Variants in MED16 observed in about 807,000 individuals in gnomAD.
MED16 encodes the protein mediator complex subunit 16, also known as mediator of RNA polymerase II transcription subunit 16.
A neutral mutation model predicts 84.4 loss-of-function variants in MED16; 81 were observed. The ratio of observed to expected loss-of-function variants is 0.96; its 90% CI spans 0.80 to 1.15. The LOEUF (loss-of-function observed/expected upper bound fraction) is 1.15. Among genes scored for constraint, MED16 ranks in the 50% most tolerant of loss-of-function variants. The pLI is 0.00. For missense variants in MED16, 1,585 were observed against 1,245.9 expected (o/e 1.27, Z -4.10); for synonymous variants, 897 against 552.2 (o/e 1.62, Z -8.76).
At chr19:869,393 G>A (rs1482938256) in intron 13 of MED16, among the ~76,000 whole-genome samples, 3 of 151,324 alleles carry the variant, frequency 2.0e-5, no homozygotes, top group East Asian at 1.9e-4. Flanking sequence ...CAAGATTCTG[G>A]TGGCAAAAGC....
At chr19:873,899 G>A (rs1057273738) in intron 10 of MED16, among the ~76,000 whole-genome samples, 3 of 152,164 alleles carry the variant, frequency 2.0e-5, no homozygotes, top group Non-Finnish European at 4.4e-5. Context: ...TCTGCCCCCT[G>A]CTCCGAGGTG....
rs150520747 is a variant in MED16 at position 881,620 on chromosome 19, G to A, written c.1080C>T (p.Pro360=). Residue 360 remains proline (P), a synonymous_variant, in exon 7 of 16, where the codon CCC becomes CCT. Transcript: ENST00000325464. ...TGAGGTCGGTGTTGGTGAGCGAGAT[G>A]GGCAGCTTGGGCAGCGCCACGGCCG... ...RVSAVALPKL[P]ISLTNTDLKV... is the part of the protein sequence containing the mutation. 3.2e-5 allele frequency: 51 copies of A among 1,612,610 alleles called. No homozygotes were observed. Among genetic ancestry groups the A allele is most frequent in the Non-Finnish European group, 4.1e-5 (48 of 1,179,946 alleles).
rs1003932309 is a variant in MED16 at position 886,126 on chromosome 19, G to T, written c.523C>A (p.Pro175Thr). Residue 175 changes from proline (P) to threonine (T), a missense_variant, in exon 5 of 16, where the codon CCC becomes ACC. Physicochemically the swap from Pro to Thr is conservative, Grantham distance 38. Transcript: ENST00000325464. ...GTCACCGCGATCCAGCCCTCCATGG[G>T]CTTGCCGCCGAACAGCGTGAGCGAC... The part of the protein sequence containing the change: ...SPSLTLFGGK[P>T]MEGWIAVTVS... 6.2e-5 allele frequency: 97 copies of T among 1,572,538 alleles called. No individual in the cohort carries two copies. Among genetic ancestry groups the T allele is most frequent in the Non-Finnish European group, 8.3e-5 (96 of 1,163,238 alleles).
At chr19:873,326 G>C (rs1398438414) in intron 11 of MED16, 123 bp downstream of exon 11, 1 of 298,852 alleles carries the variant, frequency 3.3e-6, no homozygotes. Context: ...ACTCCAAGTA[G>C]GGGCGGGACT....
In MED16 at chr19:868,893, C is replaced by A. The variant is rs1180567120; in HGVS notation, c.2369G>T (p.Cys790Phe). 3 of 1,551,982 alleles carry A rather than the reference C, an allele frequency of 1.9e-6. No individual in the cohort carries two copies. Among genetic ancestry groups the A allele is most frequent in the Admixed American group, 3.9e-5 (2 of 50,734 alleles). Reference sequence around the variant, plus strand: ...GCAGGCCTTGCATTCCTCCGTGGGGCAAGCGCCAAGGTGCAGCCTCCGCAG... The same window carrying A: ...GCAGGCCTTGCATTCCTCCGTGGGGAAAGCGCCAAGGTGCAGCCTCCGCAG... ...DHLRRLHLGACPTEECKACTR... is the reference protein window; with the variant it reads ...DHLRRLHLGAFPTEECKACTR... Residue 790 changes from cysteine (C) to phenylalanine (F), a missense_variant, in exon 14 of 16, where the codon TGC becomes TTC. By Grantham distance (205) the Cys-to-Phe change is radical. Transcript: ENST00000325464.
chr19:873,943 G>A (rs1208752053), intron 10 of MED16, among the ~76,000 whole-genome samples: 2 of 152,154 alleles, frequency 1.3e-5, no homozygotes, highest in African/African-American at 4.8e-5. Flanking sequence ...TCCACAGCGT[G>A]CAGCTGCAGC....
At chr19:870,694 A>G (rs1433339993) in intron 13 of MED16, among the ~76,000 whole-genome samples, 1 of 151,734 alleles carries the variant, frequency 6.6e-6, no homozygotes, top group Non-Finnish European at 1.5e-5. Context: ...AGCAGCAGTC[A>G]TGGCCATGAC....
At chr19:882,720 AAC>A (rs2036445330) in intron 6 of MED16, among the ~76,000 whole-genome samples, 1 of 152,172 alleles carries the variant, frequency 6.6e-6, no homozygotes, top group South Asian at 2.1e-4. Context: ...CAGAAACAGA[AAC>A]AGTGCAGGGC....
chr19:878,523 C>G (rs1291860631), intron 8 of MED16, among the ~76,000 whole-genome samples: 536 of 135,028 alleles, frequency 4.0e-3, no homozygotes, highest in Non-Finnish European at 5.3e-3. Context: ...CGTGCCCCAG[C>G]AGCTCACCTT....
intron 14 of MED16, 105 bp from the exon 15 acceptor site, chr19:868,604 C>G (rs2035972511): frequency 2.1e-6 from 3 of 1,447,856 alleles, no homozygotes; most frequent in East Asian, 2.4e-5. Context: ...CGCCGTCCCT[C>G]ACGCCTGCTC....
At chr19:886,370 C>T (rs1044879005) in intron 4 of MED16, among the ~76,000 whole-genome samples, 169 bp from the exon 5 acceptor site, 7 of 152,210 alleles carry the variant, frequency 4.6e-5, no homozygotes, top group African/African-American at 1.7e-4. Flanking sequence ...TCCCCTCTGA[C>T]CCTCCGTCTC....
chr19:876,914 GCCC>G (rs747705609), intron 9 of MED16, 57 bp downstream of exon 9: 12 of 1,492,750 alleles, frequency 8.0e-6, no homozygotes, highest in Non-Finnish European at 9.8e-6. Context: ...CTGCCACGGG[GCCC>G]CCACCTGCCA....
intron 10 of MED16, among the ~76,000 whole-genome samples, chr19:874,242 T>C (rs2036174851): frequency 6.6e-6 from 1 of 151,772 alleles, no homozygotes; most frequent in Admixed American, 6.6e-5. Context: ...GCCTCCCGAG[T>C]AGCTGGGACT....
chr19:876,114 G>A (rs1273769856), intron 9 of MED16, among the ~76,000 whole-genome samples: 2 of 152,144 alleles, frequency 1.3e-5, no homozygotes, highest in African/African-American at 2.4e-5. Context: ...CGCGTTTCTC[G>A]GCAGGCTGTG....
At chr19:890,281 C>T in intron 2 of MED16, 37 bp from the exon 3 acceptor site, 1 of 1,388,396 alleles carries the variant, frequency 7.2e-7, no homozygotes, top group Non-Finnish European at 9.8e-7. Context: ...GGCCTGGCAC[C>T]ACAGCCTGCA....
At chr19:891,489 G>A (rs1291828665) in intron 1 of MED16, among the ~76,000 whole-genome samples, 3 of 152,072 alleles carry the variant, frequency 2.0e-5, no homozygotes, top group Non-Finnish European at 4.4e-5. Flanking sequence ...CGCTGGCCCA[G>A]GTGAGTGATG....
At chr19:868,978 C>G in intron 13 of MED16, 32 bp from the exon 14 acceptor site, 1 of 1,513,124 alleles carries the variant, frequency 6.6e-7, no homozygotes, top group Non-Finnish European at 8.8e-7. Flanking sequence ...TGAGGGAGGC[C>G]TGGGCACCAC....
At chr19:876,946 C>A (rs753304311) in intron 9 of MED16, 28 bp downstream of exon 9, 35 of 1,565,492 alleles carry the variant, frequency 2.2e-5, no homozygotes, top group Non-Finnish European at 3.0e-5. Context: ...CCACCTGCCA[C>A]GGGGCCCCAC....
chr19:891,661 G>T (rs569385152), intron 1 of MED16, among the ~76,000 whole-genome samples: 2 of 146,470 alleles, frequency 1.4e-5, no homozygotes, highest in South Asian at 2.2e-4. Flanking sequence ...CGAGGCGGGG[G>T]CTGAGTGTGA....
Sources: gnomAD v4.1 joint callset for allele counts (sites outside exome capture counted in the v4.1 genomes callset) on GRCh38, gnomAD v4.1.1 for gene constraint, MANE v1.5 for transcripts, NCBI Gene and HGNC (gene_info 2026-07-23, HGNC 2026-07-21) for gene names.